Variants in TOB2 observed in about 807,000 individuals in gnomAD.
TOB2 encodes protein Tob2.
A neutral mutation model predicts 17.3 loss-of-function variants in TOB2; 3 were observed. That is an observed-to-expected ratio of 0.17 (90% CI 0.08 to 0.45). The LOEUF (loss-of-function observed/expected upper bound fraction) is 0.45, where lower values mean the gene tolerates loss of function less well. TOB2 is among the 20% of genes least tolerant of loss of function. TOB2 has a pLI of 0.99. For synonymous variants in TOB2, 163 were observed against 185.6 expected (o/e 0.88, Z 0.99); for missense variants, 407 against 445.7 (o/e 0.91, Z 0.78).
In TOB2 at chr22:41,433,768, T is replaced by A. The variant is rs1256961418; in HGVS notation, c.*2543A>T. The A allele has an allele frequency of 4.0e-6, 2 of 500,188 alleles. No homozygotes were observed. The highest frequency in any genetic ancestry group is 4.0e-5 in the African/African-American group (2 of 49,678). 31.0% of individuals were successfully genotyped at this position (500,188 alleles called of 1,614,324 possible). The stretch of plus-strand genomic sequence containing the variant: ...CCTAGGGAGAAAACTAGAGAATCTA[T>A]AACTCACTGCATTGAGAAAAACACA... On this transcript the variant is annotated 3_prime_UTR_variant, in exon 2 of 2. Transcript: ENST00000327492.
In TOB2 at chr22:41,433,671, A is replaced by C; in HGVS notation, c.*2640T>G. 1 of 374,398 alleles carries C rather than the reference A, an allele frequency of 2.7e-6. No individual in the cohort carries two copies. The highest frequency in any genetic ancestry group is 5.5e-6 in the Non-Finnish European group (1 of 180,340). The allele number at this position is 374,398 out of a possible 1,614,324, so 23.2% of individuals were successfully genotyped here. Reference sequence around the variant, plus strand: ...AAACCCTTGATTGTATTCCTCCTTCACTAAAGAAAAAAGTTCATGACCCTG... The same window carrying C: ...AAACCCTTGATTGTATTCCTCCTTCCCTAAAGAAAAAAGTTCATGACCCTG... On this transcript the variant is annotated 3_prime_UTR_variant, in exon 2 of 2. Transcript: ENST00000327492.
intron 1 of TOB2, among the ~76,000 whole-genome samples, chr22:41,444,231 A>C (rs1041227521): frequency 1.3e-5 from 2 of 152,102 alleles, no homozygotes; most frequent in Admixed American, 6.5e-5. Context: ...AGCGGCCCAG[A>C]CAGGCGGGTG....
intron 1 of TOB2, among the ~76,000 whole-genome samples, chr22:41,438,219 A>AG (rs2037575099): frequency 6.6e-6 from 1 of 152,228 alleles, no homozygotes; most frequent in Admixed American, 6.5e-5. Flanking sequence ...GTCACTGAAC[A>AG]GGAAAGAGCA....
chr22:41,441,641 T>C (rs544030679), intron 1 of TOB2, among the ~76,000 whole-genome samples: 30 of 151,984 alleles, frequency 2.0e-4, no homozygotes, highest in South Asian at 4.1e-4. Context: ...TAGCCGGGCA[T>C]TGTGGCTCAT....
At chr22:41,445,854 T>A (rs1328985471) in intron 1 of TOB2, among the ~76,000 whole-genome samples, 1 of 152,148 alleles carries the variant, frequency 6.6e-6, no homozygotes, top group African/African-American at 2.4e-5. Context: ...CAATCTCCAC[T>A]GACCTGTCCC....
chr22:41,441,668 C>T (rs905827807), intron 1 of TOB2, among the ~76,000 whole-genome samples: 3 of 152,076 alleles, frequency 2.0e-5, no homozygotes, highest in Non-Finnish European at 4.4e-5. Flanking sequence ...AATCCCAGCA[C>T]TTTGCGAGGC....
chr22:41,446,330 C>G (rs2037687282), intron 1 of TOB2, 49 bp downstream of exon 1: 1 of 152,612 alleles, frequency 6.6e-6, no homozygotes, highest in Non-Finnish European at 1.5e-5. Flanking sequence ...GTCCGGCCGG[C>G]TGGGTCTCGG....
chr22:41,443,289 G>A (rs2037639401), intron 1 of TOB2, among the ~76,000 whole-genome samples: 1 of 152,128 alleles, frequency 6.6e-6, no homozygotes, highest in Non-Finnish European at 1.5e-5. Flanking sequence ...GCGCGCATGT[G>A]TCTGCCTGCT....
In TOB2 at chr22:41,436,517, C is replaced by T. The variant is rs2037549853; in HGVS notation, c.829G>A (p.Gly277Ser). ...GGGCCTGGGGTGCCGCTGCCCTGGC[C>T]ATCGGCCGCATCAAAGAAGAGGCTG... ...SPSLFFDAAD[G>S]QGSGTPGPFG... Residue 277 changes from glycine to serine, a missense_variant, in exon 2 of 2, where the codon GGC (glycine) becomes AGC (serine). Transcript: ENST00000327492. This position sits in a 1 kb window ranked among gnomAD's most constrained non-coding sequence, Gnocchi z 4.8. 2 of 1,612,060 alleles carry T rather than the reference C, an allele frequency of 1.2e-6. No individual in the cohort carries two copies. Among genetic ancestry groups the T allele is most frequent in the African/African-American group, 1.3e-5 (1 of 74,918 alleles).
In TOB2 at chr22:41,436,693, C is replaced by T. The variant is rs370773970; in HGVS notation, c.653G>A (p.Arg218His). The T allele has an allele frequency of 2.9e-5, 46 of 1,613,560 alleles. No homozygotes were observed. The East Asian group carries it at 8.5e-4, about 30-fold the overall frequency. ...AGGQQPPQQPRMARSPTNSLL... is the reference protein window; with the variant it reads ...AGGQQPPQQPHMARSPTNSLL... The stretch of plus-strand genomic sequence containing the variant: ...GCTGTTGGTGGGTGAGCGGGCCATG[C>T]GAGGCTGCTGTGGTGGCTGCTGGCC... The change falls in exon 2 of 2, where the codon CGC becomes CAC. Residue 218 changes from arginine (R) to histidine (H), a missense_variant. By Grantham distance (29) the Arg-to-His change is conservative. Coordinates refer to ENST00000327492, the MANE Select transcript of TOB2 (RefSeq NM_016272.4). The surrounding 1 kb of genome is among the most constrained non-coding windows in gnomAD (Gnocchi z 4.8).
At chr22:41,438,985 C>A (rs2037585690) in intron 1 of TOB2, among the ~76,000 whole-genome samples, 1 of 152,130 alleles carries the variant, frequency 6.6e-6, no homozygotes, top group South Asian at 2.1e-4. Flanking sequence ...AAGATAAACA[C>A]CAGATTGTTA....
intron 1 of TOB2, among the ~76,000 whole-genome samples, chr22:41,445,309 T>TC (rs768125855): frequency 6.6e-6 from 1 of 152,258 alleles, no homozygotes; most frequent in Non-Finnish European, 1.5e-5. Context: ...CTCGGCAAGC[T>TC]CCCCCGCTGG....
chr22:41,437,948 C>CAAAA (rs35151486), intron 1 of TOB2, among the ~76,000 whole-genome samples: 11 of 44,490 alleles, frequency 2.5e-4, no homozygotes, highest in African/African-American at 6.5e-4. Flanking sequence ...GACTCCATCT[C>CAAAA]AAAAAAAAAA....
chr22:41,438,283 G>A (rs1467203326), intron 1 of TOB2, among the ~76,000 whole-genome samples: 1 of 152,118 alleles, frequency 6.6e-6, no homozygotes. Flanking sequence ...CTGTCATCAT[G>A]GGCCCCATGG....
chr22:41,436,614 C>T lies in TOB2; in HGVS notation c.732G>A (p.Thr244=), dbSNP rs773358581. ...SLSMHSLNFI[T]ANPAPQSQLS... Reference sequence around the variant, plus strand: ...GCTGGGACTGAGGGGCCGGGTTGGCCGTGATGAAGTTCAGTGAATGCATAG... The same window carrying T: ...GCTGGGACTGAGGGGCCGGGTTGGCTGTGATGAAGTTCAGTGAATGCATAG... Residue 244 remains threonine, a synonymous_variant, in exon 2 of 2, where the codon ACG becomes ACA. Coordinates refer to ENST00000327492, the MANE Select transcript of TOB2 (RefSeq NM_016272.4). This position sits in a 1 kb window ranked among gnomAD's most constrained non-coding sequence, Gnocchi z 4.8. 6.9e-5 allele frequency: 111 copies of T among 1,613,316 alleles called. No homozygotes were observed. Among genetic ancestry groups the T allele is most frequent in the Non-Finnish European group, 8.6e-5 (101 of 1,179,770 alleles).
intron 1 of TOB2, among the ~76,000 whole-genome samples, chr22:41,445,525 C>G (rs1221625698): frequency 5.9e-5 from 9 of 152,198 alleles, no homozygotes; most frequent in African/African-American, 2.2e-4. Context: ...TGGCCTCCAC[C>G]CGTCCCCAAG....
chr22:41,434,879 A>G lies in TOB2; in HGVS notation c.*1432T>C, dbSNP rs1253263031. 2.0e-5 allele frequency: 3 copies of G among 152,654 alleles called. No homozygotes were observed. Among genetic ancestry groups the G allele is most frequent in the Non-Finnish European group, 4.4e-5 (3 of 68,126 alleles). 9.5% of individuals were successfully genotyped at this position (152,654 alleles called of 1,614,324 possible). ...GCGGGAGTGCTGAGTCCGTCAGGAC[A>G]CCACTCCTCGCAGCATCAAGGTCCA... On this transcript the variant is annotated 3_prime_UTR_variant, in exon 2 of 2. Transcript: ENST00000327492.
intron 1 of TOB2, among the ~76,000 whole-genome samples, chr22:41,439,477 T>C (rs1237255962): frequency 6.9e-6 from 1 of 144,050 alleles, no homozygotes; most frequent in Non-Finnish European, 1.5e-5. Flanking sequence ...TTTAATTTAA[T>C]TTTACGTATG....
In TOB2 at chr22:41,441,868, G is replaced by A. The variant is rs190639144; in HGVS notation, c.-62-4461C>T. On this transcript the variant is annotated intron_variant, in intron 1 of 1. Coordinates refer to ENST00000327492, the MANE Select transcript of TOB2 (RefSeq NM_016272.4). The stretch of plus-strand genomic sequence containing the variant: ...GGAGGTTGCAGTGAGCCAAGATTGC[G>A]CCACTGCACTCCAGCCTGGGCAAGA... Among the ~76,000 whole-genome samples, 454 of 150,214 alleles carry A rather than the reference G, an allele frequency of 3.0e-3. 3 individuals are homozygous for A. The highest frequency in any genetic ancestry group is 4.3e-3 in the Non-Finnish European group (292 of 67,680).
Sources: allele counts gnomAD v4.1 joint callset (sites outside exome capture counted in the v4.1 genomes callset), GRCh38; gene constraint gnomAD v4.1.1; non-coding constraint Gnocchi (gnomAD v3.1); transcripts MANE v1.5; gene names NCBI Gene and HGNC (gene_info 2026-07-23, HGNC 2026-07-21).